Variants in CNTLN observed in about 807,000 individuals in gnomAD.
The protein encoded by CNTLN is centlein, centrosomal protein.
Under a neutral mutation model 180.0 loss-of-function variants are expected in CNTLN, and 212 were observed. The observed-to-expected ratio is 1.18, with a 90% CI of 1.05 to 1.32. The LOEUF is 1.32. CNTLN is among the 40% of genes most tolerant of loss of function. The probability of loss-of-function intolerance (pLI) is 0.00; values close to 1 mark genes in which losing one functional copy is unlikely to be tolerated. For synonymous variants in CNTLN, 722 were observed against 563.1 expected (o/e 1.28, Z -3.99); for missense variants, 2,095 against 1,610.9 (o/e 1.30, Z -5.14).
intron 13 of CNTLN, among the ~76,000 whole-genome samples, chr9:17,383,863 C>T (rs890920605): frequency 6.6e-6 from 1 of 152,186 alleles, no homozygotes; most frequent in East Asian, 1.9e-4. Flanking sequence ...TGGTCTCGAT[C>T]TCCTGACCTC....
intron 2 of CNTLN, among the ~76,000 whole-genome samples, chr9:17,203,685 T>C (rs1226703077): frequency 6.6e-6 from 1 of 152,104 alleles, no homozygotes; most frequent in Non-Finnish European, 1.5e-5. Flanking sequence ...GCCTCCTGAG[T>C]AGCCGGGACT....
Position 17,394,782 on chromosome 9 carries a change from A to G in CNTLN, c.2328A>G (p.Arg776=), listed in dbSNP as rs753016653. 8 of 1,613,922 alleles carry G rather than the reference A, an allele frequency of 5.0e-6. No individual in the cohort carries two copies. The highest frequency in any genetic ancestry group is 1.3e-5 in the African/African-American group (1 of 74,912). ...AGACAGAAGTCACTTCCCTGAGGAG[A>G]CAAGTGGCAGAAGCTAATGCATTGA... ...ELETEVTSLR[R]QVAEANALRN... The change falls in exon 15 of 26, where the codon AGA becomes AGG. Residue 776 remains arginine (R), a synonymous_variant. Coordinates refer to ENST00000380647, the MANE Select transcript of CNTLN (RefSeq NM_017738.4).
chr9:17,155,866 G>A lies in CNTLN; in HGVS notation c.449+12490G>A, dbSNP rs146441957. Among the ~76,000 whole-genome samples the A allele has an allele frequency of 4.1e-3, 623 of 152,278 alleles. 3 individuals carry two copies. Among genetic ancestry groups the A allele is most frequent in the African/African-American group, 0.013 (554 of 41,564 alleles). On this transcript the variant is annotated intron_variant, in intron 2 of 25. Transcript: ENST00000380647. The stretch of plus-strand genomic sequence containing the variant: ...TGTGCTTGAAACCCAGGGCCCTGGT[G>A]GGGTAGGCACTGGAGGGAATCTCCT...
intron 12 of CNTLN, among the ~76,000 whole-genome samples, chr9:17,354,374 C>T (rs1822641695): frequency 6.6e-6 from 1 of 152,226 alleles, no homozygotes; most frequent in Non-Finnish European, 1.5e-5. Flanking sequence ...GGTGCGGGAT[C>T]CACTGGGTGA....
At chr9:17,429,733 T>C (rs1829305543) in intron 18 of CNTLN, among the ~76,000 whole-genome samples, 1 of 152,038 alleles carries the variant, frequency 6.6e-6, no homozygotes, top group South Asian at 2.1e-4. Flanking sequence ...CCTTGTGTTC[T>C]GACTATAGAG....
chr9:17,437,877 C>A (rs1176866970), intron 18 of CNTLN, among the ~76,000 whole-genome samples: 1 of 152,022 alleles, frequency 6.6e-6, no homozygotes, highest in Non-Finnish European at 1.5e-5. Flanking sequence ...GAGAGTTATT[C>A]GTTCCTGTCA....
At chr9:17,184,975 C>T (rs1821342414) in intron 2 of CNTLN, among the ~76,000 whole-genome samples, 1 of 152,116 alleles carries the variant, frequency 6.6e-6, no homozygotes, top group African/African-American at 2.4e-5. Context: ...CTAATTAAGT[C>T]TCAGAACTTT....
At chr9:17,148,521 A>G (rs1455627702) in intron 2 of CNTLN, among the ~76,000 whole-genome samples, 4 of 152,216 alleles carry the variant, frequency 2.6e-5, no homozygotes, top group Non-Finnish European at 5.9e-5. Flanking sequence ...AAGCTTATCT[A>G]ACCCATTGTT....
chr9:17,368,974 C>T (rs1824077795), intron 13 of CNTLN, among the ~76,000 whole-genome samples: 1 of 152,152 alleles, frequency 6.6e-6, no homozygotes, highest in South Asian at 2.1e-4. Context: ...CTTTTGTATT[C>T]CCAGACACCA....
chr9:17,228,862 C>A lies in CNTLN; in HGVS notation c.534+2575C>A, dbSNP rs1233059004. On this transcript the variant is annotated intron_variant, in intron 3 of 25. Transcript: ENST00000380647. ...ACCAGGAGAACAGTGGCGTTATTAT[C>A]AAAAATAGGCTTATTTTCAGGAAGT... Among the ~76,000 whole-genome samples, 3 of 151,910 alleles carry A rather than the reference C, an allele frequency of 2.0e-5. No individual in the cohort carries two copies. In the South Asian group the frequency reaches 6.2e-4, roughly 32 times the overall value.
In CNTLN at chr9:17,198,387, T is replaced by TG. The variant is rs1491249115; in HGVS notation, c.450-27816_450-27815insG. The stretch of plus-strand genomic sequence containing the variant: ...AAGAACATGGAATGTCTTTTCTTTC[T>TG]TTTTTTTTTTTTTTTTGTATTTTTC... On this transcript the variant is annotated intron_variant, in intron 2 of 25. Transcript: ENST00000380647. Among the ~76,000 whole-genome samples, 629 of 119,784 alleles carry TG rather than the reference T, an allele frequency of 5.3e-3. 2 individuals carry two copies. The highest frequency in any genetic ancestry group is 0.02 in the African/African-American group (557 of 27,996). 78.6% of individuals were successfully genotyped at this position (119,784 alleles called of 152,430 possible).
intron 5 of CNTLN, among the ~76,000 whole-genome samples, chr9:17,255,118 A>C (rs527803943): frequency 6.6e-6 from 1 of 151,800 alleles, no homozygotes; most frequent in Non-Finnish European, 1.5e-5. Flanking sequence ...CTACATATAC[A>C]TGCCATCAGC....
intron 8 of CNTLN, among the ~76,000 whole-genome samples, chr9:17,329,288 A>G (rs1040263311): frequency 6.6e-6 from 1 of 152,104 alleles, no homozygotes; most frequent in Non-Finnish European, 1.5e-5. Flanking sequence ...AGCCCAACCA[A>G]AGGAAATATT....
the CNTLN span, among the ~76,000 whole-genome samples, chr9:17,528,200 A>G: frequency 6.6e-6 from 1 of 151,332 alleles, no homozygotes; most frequent in Non-Finnish European, 1.5e-5. Context: ...TGAAGAACAC[A>G]TTATAGAAAG....
chr9:17,437,058 C>G (rs1022835047), intron 18 of CNTLN, among the ~76,000 whole-genome samples: 1 of 152,180 alleles, frequency 6.6e-6, no homozygotes, highest in Non-Finnish European at 1.5e-5. Context: ...GCCTGTCTCT[C>G]TCCTAGCAGA....
Position 17,330,802 on chromosome 9 carries a change from A to C in CNTLN, c.1512A>C (p.Lys504Asn). Residue 504 changes from lysine (K) to asparagine (N), a missense_variant, in exon 9 of 26, where the codon AAA becomes AAC. Physicochemically the swap from Lys to Asn is moderately conservative, Grantham distance 94. Coordinates refer to ENST00000380647, the MANE Select transcript of CNTLN (RefSeq NM_017738.4). ...GCATCATGACAAGTGCTGAAGGAAA[A>C]CATAAGGTAGGGACATTTTGTCATT... ...RKSIMTSAEGKHKEPPVKRSR... is the reference protein window; with the variant it reads ...RKSIMTSAEGNHKEPPVKRSR... The C allele has an allele frequency of 8.1e-6, 13 of 1,605,264 alleles. No individual in the cohort carries two copies. The highest frequency in any genetic ancestry group is 1.0e-5 in the Non-Finnish European group (12 of 1,176,168).
intron 5 of CNTLN, among the ~76,000 whole-genome samples, chr9:17,273,248 CAA>C (rs1477548551): frequency 6.6e-6 from 1 of 152,080 alleles, no homozygotes; most frequent in Non-Finnish European, 1.5e-5. Flanking sequence ...TCACCACAGT[CAA>C]GAGAATTGAA....
chr9:17,423,282 C>T (rs1475749769), intron 18 of CNTLN, among the ~76,000 whole-genome samples: 1 of 152,142 alleles, frequency 6.6e-6, no homozygotes, highest in Non-Finnish European at 1.5e-5. Context: ...ATGAATCGTG[C>T]CAGAACTGGG....
chr9:17,394,086 AAGC>A (rs1564065443), intron 14 of CNTLN, among the ~76,000 whole-genome samples: 1 of 152,184 alleles, frequency 6.6e-6, no homozygotes, highest in African/African-American at 2.4e-5. Context: ...TTTAGAAAAA[AAGC>A]AGCCTCAGTA....
Sources: gnomAD v4.1 joint callset for allele counts (sites outside exome capture counted in the v4.1 genomes callset) on GRCh38, gnomAD v4.1.1 for gene constraint, MANE v1.5 for transcripts, NCBI Gene and HGNC (gene_info 2026-07-23, HGNC 2026-07-21) for gene names.